The following MME variants were observed in gnomAD, a reference collection of about 807,000 sequenced individuals.
MME encodes the protein membrane metalloendopeptidase.
MME carries 98 observed loss-of-function variants against 113.2 expected under a neutral mutation model. The observed-to-expected ratio is 0.87, with a 90% CI of 0.74 to 1.02. MME has a LOEUF of 1.02. Among genes scored for constraint, MME ranks in the 50% least tolerant of loss-of-function variants. The probability of loss-of-function intolerance (pLI) is 0.00; values close to 1 mark genes in which losing one functional copy is unlikely to be tolerated. For synonymous variants in MME, 292 were observed against 300.6 expected, an observed-to-expected ratio of 0.97 and a Z score of 0.30; for missense variants, 836 against 896.0, an observed-to-expected ratio of 0.93 and a Z score of 0.86.
rs1178868909 is a variant in MME, at chr3:155,180,745, C to G, written c.*286C>G. 2.7e-6 allele frequency: 1 copy of G among 368,506 alleles called. No homozygotes were observed. The highest frequency in any genetic ancestry group is 6.1e-5 in the East Asian group (1 of 16,282). The allele number at this position is 368,506 out of a possible 1,614,324, so 22.8% of individuals were successfully genotyped here. Reference sequence around the variant, plus strand: ...TATTTCTGTTTCTCATATGGTCTACCAGTTTGCTGATGTCCCTAGAAAACA... The same window carrying G: ...TATTTCTGTTTCTCATATGGTCTACGAGTTTGCTGATGTCCCTAGAAAACA... On this transcript the variant is annotated 3_prime_UTR_variant, in exon 23 of 23. Coordinates refer to ENST00000360490, the MANE Select transcript of MME (RefSeq NM_007289.4).
At chr3:155,056,831 A>G (rs111273160) in intron 1 of MME, among the ~76,000 whole-genome samples, 8,041 of 152,176 alleles carry the variant, frequency 0.053, 619 homozygotes, top group African/African-American at 0.17. Context: ...ACCTGAGAAA[A>G]ACAAGCAATG....
At chr3:155,077,145 A>T (rs1714774660), upstream of MME, among the ~76,000 whole-genome samples, 1 of 152,248 alleles carries the variant, frequency 6.6e-6, no homozygotes, top group Admixed American at 6.5e-5. Context: ...AATGCCTCTG[A>T]CAGCTCTCTT....
chr3:155,082,392 T>C (rs953197064), intron 1 of MME, among the ~76,000 whole-genome samples: 1 of 152,216 alleles, frequency 6.6e-6, no homozygotes, highest in Non-Finnish European at 1.5e-5. Context: ...AGGACAGTCA[T>C]GAAACATGGG....
rs61762346 is a variant in MME, at chr3:155,089,014, G to T, written c.196+3920G>T. Among the ~76,000 whole-genome samples the T allele has an allele frequency of 2.8e-3, 419 of 152,122 alleles. 2 individuals are homozygous for T. Among genetic ancestry groups the T allele is most frequent in the South Asian group, 7.3e-3 (35 of 4,822 alleles). ...GCAGAAGGCTGTTTCAAATCTGTTT[G>T]GTGTTACATATTTAAAATCTGAGCA... On this transcript the variant is annotated intron_variant, in intron 3 of 22. Coordinates refer to ENST00000360490, the MANE Select transcript of MME (RefSeq NM_007289.4).
At chr3:155,079,031 G>A (rs573115721), upstream of MME, among the ~76,000 whole-genome samples, 1 of 152,190 alleles carries the variant, frequency 6.6e-6, no homozygotes, top group African/African-American at 2.4e-5. Context: ...AACCTCCGAT[G>A]TACACACGTT....
intron 3 of MME, among the ~76,000 whole-genome samples, chr3:155,102,904 G>A (rs1043061556): frequency 1.3e-5 from 2 of 152,028 alleles, no homozygotes; most frequent in Non-Finnish European, 2.9e-5. Context: ...TGTCCACACC[G>A]GCAGAGAGTC....
At chr3:155,162,533 A>G (rs1283016252) in intron 17 of MME, among the ~76,000 whole-genome samples, 5 of 152,156 alleles carry the variant, frequency 3.3e-5, no homozygotes, top group South Asian at 2.1e-4. Context: ...TAAGGATCCA[A>G]TGGAAATATA....
chr3:155,142,250 T>G lies in MME; in HGVS notation c.1108T>G (p.Leu370Val), dbSNP rs754607829. Residue 370 changes from leucine to valine, a missense_variant, in exon 12 of 23, where the codon TTA becomes GTA. Coordinates refer to ENST00000360490, the MANE Select transcript of MME (RefSeq NM_007289.4). ...TKYSARDLQN[L>V]MSWRFIMDLV... ...TTTTTTATACAGAGATCTTCAAAATTTAATGTCCTGGAGATTCATAATGGA... is the reference window on the plus strand; with the variant it reads ...TTTTTTATACAGAGATCTTCAAAATGTAATGTCCTGGAGATTCATAATGGA... 10 of 1,613,480 alleles carry G rather than the reference T, an allele frequency of 6.2e-6. No individual in the cohort carries two copies. The highest frequency in any genetic ancestry group is 8.5e-7 in the Non-Finnish European group (1 of 1,179,664).
At chr3:155,176,698 T>G (rs955825222) in intron 22 of MME, among the ~76,000 whole-genome samples, 1 of 152,068 alleles carries the variant, frequency 6.6e-6, no homozygotes, top group East Asian at 1.9e-4. Context: ...TGCTGGTACA[T>G]GCCTGTAGTT....
intron 3 of MME, among the ~76,000 whole-genome samples, chr3:155,099,765 A>G (rs1039810084): frequency 6.6e-6 from 1 of 152,196 alleles, no homozygotes; most frequent in African/African-American, 2.4e-5. Context: ...TCCATGGTGT[A>G]TATGTGCCAC....
At chr3:155,059,280 AAG>A (rs1714056739) in intron 1 of MME, among the ~76,000 whole-genome samples, 1 of 150,740 alleles carries the variant, frequency 6.6e-6, no homozygotes, top group Admixed American at 6.6e-5. Context: ...AAAAAAAAAA[AAG>A]GAAGGATCAC....
chr3:155,144,627 C>T (rs538333679), intron 14 of MME, among the ~76,000 whole-genome samples, 170 bp downstream of exon 14: 2 of 152,248 alleles, frequency 1.3e-5, no homozygotes, highest in Admixed American at 1.3e-4. Flanking sequence ...TATATTTCTA[C>T]AATTTTAATC....
chr3:155,112,354 G>A (rs541867186), intron 3 of MME: 4 of 152,264 alleles, frequency 2.6e-5, no homozygotes, highest in African/African-American at 9.6e-5. Context: ...TAGGGGCTGG[G>A]TAACATGCTC....
chr3:155,047,194 A>G (rs1301174544), intron 1 of MME, among the ~76,000 whole-genome samples: 1 of 152,216 alleles, frequency 6.6e-6, no homozygotes, highest in East Asian at 1.9e-4. Flanking sequence ...CCTTTATACC[A>G]TATTTTCACT....
chr3:155,045,626 G>C (rs1173254656), intron 1 of MME, among the ~76,000 whole-genome samples: 2 of 150,314 alleles, frequency 1.3e-5, no homozygotes, highest in Non-Finnish European at 3.0e-5. Flanking sequence ...TGATCTTGAT[G>C]GTTTATCTCC....
intron 7 of MME, 114 bp from the exon 8 acceptor site, chr3:155,118,632 C>A: frequency 1.4e-6 from 1 of 730,244 alleles, no homozygotes; most frequent in Admixed American, 2.1e-5. Context: ...TGATGGTCAC[C>A]CCATAAACAG....
intron 8 of MME, among the ~76,000 whole-genome samples, chr3:155,130,527 A>C (rs1325641345): frequency 3.3e-5 from 5 of 152,166 alleles, no homozygotes; most frequent in Admixed American, 2.6e-4. Flanking sequence ...ATAAAAATAG[A>C]GACATTTTAG....
In MME at chr3:155,138,231, G is replaced by T. The variant is rs572687446; in HGVS notation, c.850G>T (p.Ala284Ser). The T allele has an allele frequency of 6.2e-7, 1 of 1,613,412 alleles. No homozygotes were observed. The highest frequency in any genetic ancestry group is 1.3e-5 in the African/African-American group (1 of 74,978). ...NKVMELEKEIANATAKPEDRN... is the reference protein window; with the variant it reads ...NKVMELEKEISNATAKPEDRN... ...AGTTATGGAATTGGAAAAAGAAATT[G>T]CCAATGTAAAACACATTTTTTTTTC... The change falls in exon 9 of 23, where the codon GCC becomes TCC. Residue 284 changes from alanine to serine, a missense_variant. By Grantham distance (99) the Ala-to-Ser change is moderately conservative (BLOSUM62 1). Coordinates refer to ENST00000360490, the MANE Select transcript of MME (RefSeq NM_007289.4).
chr3:155,176,740 T>A (rs960934481), intron 22 of MME, among the ~76,000 whole-genome samples: 10 of 152,084 alleles, frequency 6.6e-5, no homozygotes, highest in African/African-American at 2.4e-4. Flanking sequence ...GCAGGAGGAT[T>A]GCTTGAACCC....
Sources: gnomAD v4.1 joint callset for allele counts (sites outside exome capture counted in the v4.1 genomes callset) on GRCh38, gnomAD v4.1.1 for gene constraint, MANE v1.5 for transcripts, NCBI Gene and HGNC (gene_info 2026-07-23, HGNC 2026-07-21) for gene names.